The following UBE3D variants were observed in gnomAD, a reference collection of about 807,000 sequenced individuals.
The protein encoded by UBE3D is ubiquitin protein ligase E3D, also known as E3 ubiquitin-protein ligase E3D.
UBE3D carries 48 observed loss-of-function variants against 49.6 expected under a neutral mutation model. The observed-to-expected ratio is 0.97, with a 90% CI of 0.77 to 1.23. The LOEUF is 1.23. Ranked by LOEUF, UBE3D falls within the 50% of genes most tolerant of loss-of-function variation. UBE3D has a pLI of 0.00. For synonymous variants in UBE3D, 189 were observed against 174.2 expected (o/e 1.08, Z -0.67); for missense variants, 452 against 468.4 (o/e 0.96, Z 0.32).
intron 8 of UBE3D, among the ~76,000 whole-genome samples, chr6:82,994,866 G>A (rs191804021): frequency 4.6e-5 from 7 of 152,260 alleles, no homozygotes; most frequent in African/African-American, 7.2e-5. Context: ...CTTCTACCTT[G>A]AGCATACTGA....
intron 8 of UBE3D, among the ~76,000 whole-genome samples, chr6:82,997,403 T>C (rs1315661885): frequency 6.6e-6 from 1 of 152,068 alleles, no homozygotes; most frequent in Non-Finnish European, 1.5e-5. Flanking sequence ...CACTATGGTA[T>C]ATGACATTAT....
intron 9 of UBE3D, among the ~76,000 whole-genome samples, chr6:82,916,449 A>G (rs1314336803): frequency 1.3e-5 from 2 of 152,238 alleles, no homozygotes; most frequent in East Asian, 3.8e-4. Context: ...CATAGGTCAC[A>G]CATCTTATTT....
At chr6:83,032,680 C>T (rs1303479837) in intron 5 of UBE3D, among the ~76,000 whole-genome samples, 1 of 152,128 alleles carries the variant, frequency 6.6e-6, no homozygotes, top group Admixed American at 6.5e-5. Flanking sequence ...GCTGTGTCCC[C>T]ACCCAAATCT....
chr6:82,903,980 A>T (rs533341967), intron 9 of UBE3D, among the ~76,000 whole-genome samples: 1 of 152,190 alleles, frequency 6.6e-6, no homozygotes, highest in Non-Finnish European at 1.5e-5. Context: ...GAACTTTTCC[A>T]GGTCAAGGAC....
intron 7 of UBE3D, among the ~76,000 whole-genome samples, chr6:83,022,112 C>T (rs1168668194): frequency 6.6e-6 from 1 of 152,032 alleles, no homozygotes; most frequent in Non-Finnish European, 1.5e-5. Flanking sequence ...ATGCAACCTC[C>T]ACCTCCTGAG....
At chr6:82,940,952 C>T (rs1223629226) in intron 9 of UBE3D, among the ~76,000 whole-genome samples, 1 of 152,142 alleles carries the variant, frequency 6.6e-6, no homozygotes, top group African/African-American at 2.4e-5. Flanking sequence ...GTGCTTCACA[C>T]CTGTAATCGC....
chr6:82,958,628 G>A (rs1399060815), intron 8 of UBE3D, among the ~76,000 whole-genome samples: 2 of 152,302 alleles, frequency 1.3e-5, no homozygotes, highest in Middle Eastern at 3.4e-3. Flanking sequence ...ACTCTCCGTT[G>A]AAGTACTGGC....
intron 9 of UBE3D, among the ~76,000 whole-genome samples, chr6:82,905,154 A>T (rs995693386): frequency 2.6e-5 from 4 of 152,086 alleles, no homozygotes; most frequent in Non-Finnish European, 5.9e-5. Flanking sequence ...GGCACATCTC[A>T]CTTATTCTGC....
intron 3 of UBE3D, among the ~76,000 whole-genome samples, chr6:83,050,246 T>TAAAA (rs11375982): frequency 6.8e-6 from 1 of 146,554 alleles, no homozygotes; most frequent in African/African-American, 2.5e-5. Flanking sequence ...CTTTTTTATT[T>TAAAA]AAAAAAAAAA....
chr6:82,950,789 C>A (rs921010753), intron 9 of UBE3D, among the ~76,000 whole-genome samples: 1 of 152,148 alleles, frequency 6.6e-6, no homozygotes. Context: ...TCAATGAGAT[C>A]TTGTCATCTG....
At chr6:82,882,624 G>T in the UBE3D span, among the ~76,000 whole-genome samples, 1 of 152,134 alleles carries the variant, frequency 6.6e-6, no homozygotes, top group Non-Finnish European at 1.5e-5. Context: ...TAAGATAAGA[G>T]ATTTTGAAGC....
At chr6:82,972,219 A>G (rs933910890) in intron 8 of UBE3D, among the ~76,000 whole-genome samples, 1 of 152,204 alleles carries the variant, frequency 6.6e-6, no homozygotes, top group Admixed American at 6.5e-5. Flanking sequence ...GTCTATCCTC[A>G]GATGCCCTTC....
intron 8 of UBE3D, among the ~76,000 whole-genome samples, chr6:83,005,839 T>A (rs1233925540): frequency 6.6e-6 from 1 of 152,136 alleles, no homozygotes; most frequent in African/African-American, 2.4e-5. Flanking sequence ...CATACTACTA[T>A]GTGAATAAAA....
intron 9 of UBE3D, among the ~76,000 whole-genome samples, chr6:82,953,603 C>T (rs1453387608): frequency 6.6e-6 from 1 of 152,184 alleles, no homozygotes; most frequent in Non-Finnish European, 1.5e-5. Context: ...TGCATTTTAA[C>T]TGTGCCTTCA....
At chr6:83,050,939 G>A (rs1783429585) in intron 3 of UBE3D, among the ~76,000 whole-genome samples, 1 of 152,036 alleles carries the variant, frequency 6.6e-6, no homozygotes, top group Non-Finnish European at 1.5e-5. Flanking sequence ...CAAGTCCACT[G>A]TTTCTCAGAG....
chr6:82,919,250 G>T (rs914762465), intron 9 of UBE3D, among the ~76,000 whole-genome samples: 4 of 151,928 alleles, frequency 2.6e-5, no homozygotes, highest in Non-Finnish European at 5.9e-5. Flanking sequence ...TAAGAAGAGG[G>T]GTGGGTTAAG....
At position 83,044,646 on chromosome 6, in the gene UBE3D, C is replaced by T. The variant is rs1782903927; in HGVS notation, c.379G>A (p.Val127Met). ...VIIKDRKLLR[V>M]LPLPSENWGA... is the part of the protein sequence containing the mutation. ...CAGTTCTCACTCGGCAGTGGGAGCA[C>T]CCTGAGGAGCTTCCTAGTGGAAAGA... Residue 127 changes from valine (V) to methionine (M), a missense_variant, in exon 4 of 10, where the codon GTG becomes ATG. Physicochemically the swap from Val to Met is conservative, Grantham distance 21 (BLOSUM62 1). Coordinates refer to ENST00000369747, the MANE Select transcript of UBE3D (RefSeq NM_198920.3). 2.5e-6 allele frequency: 4 copies of T among 1,613,108 alleles called. No individual in the cohort carries two copies. Among genetic ancestry groups the T allele is most frequent in the Non-Finnish European group, 2.5e-6 (3 of 1,179,442 alleles).
chr6:82,958,042 A>G (rs1238936265), intron 8 of UBE3D, among the ~76,000 whole-genome samples: 1 of 152,182 alleles, frequency 6.6e-6, no homozygotes, highest in Admixed American at 6.5e-5. Context: ...GCCTCCCTTC[A>G]TCTTCCAGAG....
intron 8 of UBE3D, among the ~76,000 whole-genome samples, chr6:83,005,658 A>G (rs960300029): frequency 1.3e-5 from 2 of 151,858 alleles, no homozygotes; most frequent in Non-Finnish European, 2.9e-5. Flanking sequence ...AGAATTGCAA[A>G]CAGGGCCTCA....
Sources: allele counts gnomAD v4.1 joint callset (sites outside exome capture counted in the v4.1 genomes callset), GRCh38; gene constraint gnomAD v4.1.1; transcripts MANE v1.5; gene names NCBI Gene and HGNC (gene_info 2026-07-23, HGNC 2026-07-21).